The following DSCAM variants were observed in gnomAD, a reference collection of about 807,000 sequenced individuals.
DSCAM encodes the protein DS cell adhesion molecule.
A neutral mutation model predicts 217.7 loss-of-function variants in DSCAM; 47 were observed. That is an observed-to-expected ratio of 0.22 (90% CI 0.17 to 0.28). The LOEUF (loss-of-function observed/expected upper bound fraction) is 0.28, where lower values mean the gene tolerates loss of function less well. DSCAM is among the 10% of genes least tolerant of loss of function. The pLI, the probability that DSCAM is intolerant of heterozygous loss-of-function variation, is 1.00. For synonymous variants in DSCAM, 1,056 were observed against 1,015.3 expected (o/e 1.04, Z -0.76); for missense variants, 2,080 against 2,618.3 (o/e 0.79, Z 4.49).
chr21:40,545,280 C>A (rs1182580252), intron 3 of DSCAM, among the ~76,000 whole-genome samples: 1 of 152,162 alleles, frequency 6.6e-6, no homozygotes, highest in Non-Finnish European at 1.5e-5. Flanking sequence ...GTTGTTTAAG[C>A]CACCCAGACG....
chr21:40,144,479 G>A lies in DSCAM; in HGVS notation c.3259+12C>T. 6.2e-7 allele frequency: 1 copy of A among 1,613,264 alleles called. No individual in the cohort carries two copies. Among genetic ancestry groups the A allele is most frequent in the Non-Finnish European group, 8.5e-7 (1 of 1,179,292 alleles). On this transcript the variant is annotated intron_variant, in intron 17 of 32. Coordinates refer to ENST00000400454, the MANE Select transcript of DSCAM (RefSeq NM_001389.5). The surrounding 1 kb of genome is among the most constrained non-coding windows in gnomAD (Gnocchi z 4.8). ...GAGGGAAAAGCCACGACCAGGCCCC[G>A]GCCGAACCTACCATCCTCGAGAGTG... is the stretch of plus-strand genomic sequence containing the variant.
At chr21:40,170,405 A>G (rs1041750741) in intron 15 of DSCAM, among the ~76,000 whole-genome samples, 2 of 152,224 alleles carry the variant, frequency 1.3e-5, no homozygotes, top group Non-Finnish European at 2.9e-5. Context: ...AATGCTGAGC[A>G]TGCATCCCTC....
chr21:40,209,570 C>T (rs546788959), intron 11 of DSCAM, among the ~76,000 whole-genome samples: 3 of 152,274 alleles, frequency 2.0e-5, no homozygotes, highest in East Asian at 1.9e-4. Context: ...CACACCATCC[C>T]CTTACAATCA....
At chr21:40,474,323 A>T (rs894024197) in intron 3 of DSCAM, among the ~76,000 whole-genome samples, 18 of 151,710 alleles carry the variant, frequency 1.2e-4, no homozygotes, top group Admixed American at 1.1e-3. Flanking sequence ...ATTAAAAAAA[A>T]ACACAACCAA....
At chr21:40,419,450 T>C (rs929685448) in intron 3 of DSCAM, among the ~76,000 whole-genome samples, 1 of 152,088 alleles carries the variant, frequency 6.6e-6, no homozygotes, top group African/African-American at 2.4e-5. Context: ...TGCAGGCTGG[T>C]AAAACAGGTA....
At chr21:40,641,758 A>C (rs757120113) in intron 3 of DSCAM, among the ~76,000 whole-genome samples, 1 of 152,178 alleles carries the variant, frequency 6.6e-6, no homozygotes, top group Non-Finnish European at 1.5e-5. Flanking sequence ...AGCCAAGTTA[A>C]TATGTATTTC....
At chr21:40,439,119 C>G (rs9967964) in intron 3 of DSCAM, among the ~76,000 whole-genome samples, 2 of 151,984 alleles carry the variant, frequency 1.3e-5, no homozygotes, top group Non-Finnish European at 2.9e-5. Flanking sequence ...TGGGTCCTAG[C>G]TTACTCATTT....
At chr21:40,398,487 C>T (rs569759686) in intron 3 of DSCAM, among the ~76,000 whole-genome samples, 1 of 152,154 alleles carries the variant, frequency 6.6e-6, no homozygotes, top group Non-Finnish European at 1.5e-5. Context: ...CACACAGATA[C>T]AAAATGATTG....
At chr21:40,059,421 C>G (rs773346872) in intron 28 of DSCAM, among the ~76,000 whole-genome samples, 1 of 152,144 alleles carries the variant, frequency 6.6e-6, no homozygotes, top group Non-Finnish European at 1.5e-5. Context: ...GATGCAGTCT[C>G]TCTTCTCTGG....
chr21:40,816,421 A>C (rs1258477149), intron 1 of DSCAM, among the ~76,000 whole-genome samples: 1 of 152,144 alleles, frequency 6.6e-6, no homozygotes, highest in Non-Finnish European at 1.5e-5. Context: ...TCTACTAAAA[A>C]TACAAAAATT....
chr21:40,766,692 C>A (rs866925376), intron 1 of DSCAM, among the ~76,000 whole-genome samples: 20 of 92,552 alleles, frequency 2.2e-4, no homozygotes, highest in East Asian at 1.0e-3. Context: ...AAAAAAACAA[C>A]TTTTTTTTTT....
intron 3 of DSCAM, among the ~76,000 whole-genome samples, chr21:40,575,285 C>T (rs892491296): frequency 6.6e-6 from 1 of 150,462 alleles, no homozygotes. Flanking sequence ...TCTTATAAAA[C>T]AGTCCCACCC....
At chr21:40,033,014 G>C (rs1403808793) in intron 32 of DSCAM, among the ~76,000 whole-genome samples, 1 of 152,146 alleles carries the variant, frequency 6.6e-6, no homozygotes, top group East Asian at 1.9e-4. Flanking sequence ...TGGAATATCT[G>C]GCCCCCAGAA....
At chr21:40,844,914 T>C (rs549667111) in intron 1 of DSCAM, among the ~76,000 whole-genome samples, 1 of 152,340 alleles carries the variant, frequency 6.6e-6, no homozygotes, top group East Asian at 1.9e-4. Context: ...TTTCTTCTTA[T>C]AACCCAGGCC....
chr21:40,219,581 T>G (rs1472293076), intron 11 of DSCAM, among the ~76,000 whole-genome samples: 1 of 152,224 alleles, frequency 6.6e-6, no homozygotes, highest in African/African-American at 2.4e-5. Flanking sequence ...TTCTTTGGTA[T>G]AGATAATTAA....
intron 3 of DSCAM, among the ~76,000 whole-genome samples, chr21:40,685,669 C>T (rs1209094035): frequency 1.3e-5 from 2 of 152,164 alleles, no homozygotes; most frequent in African/African-American, 2.4e-5. Context: ...TGCTCCATAG[C>T]CTTCTCCTGT....
intron 1 of DSCAM, among the ~76,000 whole-genome samples, chr21:40,724,809 T>C (rs938064159): frequency 2.0e-5 from 3 of 152,236 alleles, no homozygotes; most frequent in Non-Finnish European, 4.4e-5. Context: ...TAATACACTG[T>C]TGAGCATTAT....
At chr21:40,816,503 G>A (rs923028958) in intron 1 of DSCAM, among the ~76,000 whole-genome samples, 3 of 152,192 alleles carry the variant, frequency 2.0e-5, no homozygotes, top group South Asian at 4.1e-4. Context: ...TTGAACTCAG[G>A]AGGCAGAGCT....
At chr21:40,020,983 G>A (rs999705779) in intron 32 of DSCAM, among the ~76,000 whole-genome samples, 6 of 152,054 alleles carry the variant, frequency 3.9e-5, no homozygotes, top group African/African-American at 1.4e-4. Context: ...ACAGAGAAGG[G>A]CTCTGGGAAA....
Sources: allele counts gnomAD v4.1 joint callset (sites outside exome capture counted in the v4.1 genomes callset), GRCh38; gene constraint gnomAD v4.1.1; non-coding constraint Gnocchi (gnomAD v3.1); transcripts MANE v1.5; gene names NCBI Gene and HGNC (gene_info 2026-07-23, HGNC 2026-07-21).